The following CDK12 variants were observed in gnomAD, a reference collection of about 807,000 sequenced individuals.
The protein encoded by CDK12 is cyclin dependent kinase 12.
In CDK12, 17 loss-of-function variants were observed where a neutral mutation model predicts 133.8. The observed-to-expected ratio is 0.13, with a 90% CI of 0.09 to 0.19. The LOEUF is 0.19. Among genes scored for constraint, CDK12 ranks in the 10% least tolerant of loss-of-function variants. The pLI is 1.00. For missense variants in CDK12, 1,508 were observed against 1,818.7 expected, an observed-to-expected ratio of 0.83 and a Z score of 3.11; for synonymous variants, 694 against 683.6, an observed-to-expected ratio of 1.02 and a Z score of -0.24.
chr17:39,491,846 TG>T (rs1567723479), intron 3 of CDK12, among the ~76,000 whole-genome samples: 2 of 150,160 alleles, frequency 1.3e-5, no homozygotes, highest in African/African-American at 4.9e-5. Context: ...GATACAGGAG[TG>T]GCTGGGCGCG....
chr17:39,563,622 A>G (rs2056467660), intron 3 of CDK12, among the ~76,000 whole-genome samples: 1 of 151,996 alleles, frequency 6.6e-6, no homozygotes. Context: ...TCTGTGGAGC[A>G]ATCTCAGAGA....
At chr17:39,540,324 A>C (rs1477598781) in intron 1 of CDK12, among the ~76,000 whole-genome samples, 1 of 152,184 alleles carries the variant, frequency 6.6e-6, no homozygotes, top group Non-Finnish European at 1.5e-5. Flanking sequence ...TGTCTTATTA[A>C]CCAATTGATA....
At chr17:39,521,070 CCCGACCTCAGGTGAT>C (rs1439272736) in intron 11 of CDK12, among the ~76,000 whole-genome samples, 1 of 151,972 alleles carries the variant, frequency 6.6e-6, no homozygotes, top group East Asian at 1.9e-4. Flanking sequence ...GTCTCGAACT[CCCGACCTCAGGTGAT>C]CTGCCCACCT....
chr17:39,496,206 C>G (rs1325437730), intron 5 of CDK12, among the ~76,000 whole-genome samples: 4 of 152,160 alleles, frequency 2.6e-5, no homozygotes, highest in African/African-American at 7.2e-5. Context: ...CCACCACACT[C>G]AGCCCTGCTT....
downstream of CDK12, among the ~76,000 whole-genome samples, chr17:39,538,506 A>G (rs2055247099): frequency 1.3e-5 from 2 of 152,212 alleles, no homozygotes; most frequent in African/African-American, 4.8e-5. Flanking sequence ...GGGAACTAAC[A>G]TTGTTGGGTA....
chr17:39,544,625 CTTTTT>C (rs71147355), upstream of CDK12, among the ~76,000 whole-genome samples: 3 of 60,908 alleles, frequency 4.9e-5, no homozygotes, highest in African/African-American at 6.2e-5. Context: ...AACAGGCGAT[CTTTTT>C]TTTTTTTTTT....
chr17:39,559,081 A>G (rs1671507054), intron 3 of CDK12, among the ~76,000 whole-genome samples: 1 of 152,232 alleles, frequency 6.6e-6, no homozygotes, highest in Non-Finnish European at 1.5e-5. Context: ...CCTCATTGGA[A>G]TTCTACATTG....
intron 2 of CDK12, among the ~76,000 whole-genome samples, chr17:39,555,640 T>G (rs138788374): frequency 0.011 from 1,615 of 151,938 alleles, 15 homozygotes; most frequent in Non-Finnish European, 0.016. Flanking sequence ...GAGGGGGATC[T>G]TGGGTCTTCC....
At chr17:39,512,480 T>C (rs2053561298) in intron 8 of CDK12, among the ~76,000 whole-genome samples, 1 of 152,204 alleles carries the variant, frequency 6.6e-6, no homozygotes, top group African/African-American at 2.4e-5. Context: ...TGGAGAATTT[T>C]GAAACAACAA....
intron 10 of CDK12, among the ~76,000 whole-genome samples, chr17:39,518,898 A>G (rs1011464638): frequency 2.6e-5 from 4 of 151,896 alleles, no homozygotes; most frequent in Non-Finnish European, 5.9e-5. Context: ...ATAGCACAGC[A>G]TTTCTCGTTT....
rs1438728720 is a variant in CDK12 at position 39,532,460 on chromosome 17, TC to T, written c.*1145del. On this transcript the variant is annotated 3_prime_UTR_variant, in exon 14 of 14. Coordinates refer to ENST00000447079, the MANE Select transcript of CDK12 (RefSeq NM_016507.4). ...TATTGTTTACACATATATTTTTATG[TC>T]AAAAAAAAAACAAAAACCTTTCAAA... is the stretch of plus-strand genomic sequence containing the variant. 1 of 226,494 alleles carries T rather than the reference TC, an allele frequency of 4.4e-6. No homozygotes were observed. The highest frequency in any genetic ancestry group is 2.3e-5 in the African/African-American group (1 of 43,218). 14.0% of individuals were successfully genotyped at this position (226,494 alleles called of 1,614,324 possible).
At chr17:39,521,569 G>GT (rs780011294) in intron 11 of CDK12, among the ~76,000 whole-genome samples, 100 of 148,874 alleles carry the variant, frequency 6.7e-4, no homozygotes, top group Non-Finnish European at 1.0e-3. Flanking sequence ...AGCCTTTTTT[G>GT]TTTTTTCCGA....
In CDK12 at chr17:39,471,919, G is replaced by A. The variant is rs188014186; in HGVS notation, c.1931+156G>A. On this transcript the variant is annotated intron_variant, in intron 2 of 13. Transcript: ENST00000447079. The stretch of plus-strand genomic sequence containing the variant: ...TCTGTAATTATGACATTATTACTTG[G>A]GAAGAGAGAATTAGAATTTGAGGCC... Among the ~76,000 whole-genome samples the A allele has an allele frequency of 6.8e-3, 1,032 of 152,222 alleles. 6 individuals carry two copies. The highest frequency in any genetic ancestry group is 0.011 in the Non-Finnish European group (782 of 68,016).
chr17:39,483,686 T>TA (rs1189556695), intron 2 of CDK12, among the ~76,000 whole-genome samples: 1 of 148,562 alleles, frequency 6.7e-6, no homozygotes, highest in East Asian at 1.9e-4. Context: ...TTTAAACAGT[T>TA]ACAATTTATT....
chr17:39,522,644 G>T (rs1420940761), intron 11 of CDK12, among the ~76,000 whole-genome samples: 4 of 151,974 alleles, frequency 2.6e-5, no homozygotes, highest in Non-Finnish European at 5.9e-5. Flanking sequence ...ATGTTGACCA[G>T]ACTTGTCTCC....
chr17:39,479,786 C>T (rs936568113), intron 2 of CDK12, among the ~76,000 whole-genome samples: 1 of 151,996 alleles, frequency 6.6e-6, no homozygotes, highest in African/African-American at 2.4e-5. Flanking sequence ...ACCACCATGC[C>T]TGGCTAATTT....
chr17:39,493,173 T>TTTG, intron 4 of CDK12, among the ~76,000 whole-genome samples: 1 of 150,720 alleles, frequency 6.6e-6, no homozygotes, highest in East Asian at 2.0e-4. Flanking sequence ...TTTGTTTTTT[T>TTTG]TTTTTTTTTA....
At chr17:39,564,368 A>G (rs915151862) in intron 3 of CDK12, among the ~76,000 whole-genome samples, 2 of 152,192 alleles carry the variant, frequency 1.3e-5, no homozygotes, top group Non-Finnish European at 1.5e-5. Context: ...CTGGGTTGCT[A>G]TGGAAACCAG....
At chr17:39,510,340 C>CA (rs2053420005) in intron 7 of CDK12, among the ~76,000 whole-genome samples, 1 of 151,940 alleles carries the variant, frequency 6.6e-6, no homozygotes, top group South Asian at 2.1e-4. Flanking sequence ...AGGCTGGTCT[C>CA]AAACTCCTGA....
Sources: gnomAD v4.1 joint callset for allele counts (sites outside exome capture counted in the v4.1 genomes callset) on GRCh38, gnomAD v4.1.1 for gene constraint, MANE v1.5 for transcripts, NCBI Gene and HGNC (gene_info 2026-07-23, HGNC 2026-07-21) for gene names.